BTD: variants seen among roughly 807,000 people sequenced by gnomAD.
The protein encoded by BTD is biotinidase, also known as biocytinase.
Under a neutral mutation model 17.7 loss-of-function variants are expected in BTD, and 13 were observed. The observed-to-expected ratio is 0.74, with a 90% CI of 0.48 to 1.17. The LOEUF (loss-of-function observed/expected upper bound fraction) is 1.17. Among genes scored for constraint, BTD ranks in the 50% most tolerant of loss-of-function variants. The pLI, the probability that BTD is intolerant of heterozygous loss-of-function variation, is 0.00. For missense variants in BTD, 674 were observed against 650.4 expected, an observed-to-expected ratio of 1.04 and a Z score of -0.39; for synonymous variants, 240 against 245.2, an observed-to-expected ratio of 0.98 and a Z score of 0.20.
At chr3:15,622,173 T>G (rs753980623) in intron 1 of BTD, among the ~76,000 whole-genome samples, 6 of 152,198 alleles carry the variant, frequency 3.9e-5, no homozygotes, top group Non-Finnish European at 7.3e-5. Context: ...TTCTAGTGTT[T>G]ATTATTTCTG....
chr3:15,657,983 C>T (rs367606755), downstream of BTD, among the ~76,000 whole-genome samples: 3 of 152,034 alleles, frequency 2.0e-5, no homozygotes, highest in East Asian at 1.9e-4. Flanking sequence ...GCCTGGCCAA[C>T]GTGGTGAAAA....
rs150283402 is a variant in BTD, at chr3:15,693,517, T to C, written c.400-16543T>C. On this transcript the variant is annotated intron_variant, in intron 3 of 3. Transcript: ENST00000672141. ...CTGCAGGGCTTTTGGGAGTCTTTAA[T>C]ATGCTACTAGTTGAATCTCCACAAG... Among the ~76,000 whole-genome samples the C allele has an allele frequency of 4.5e-4, 68 of 152,302 alleles. No homozygotes were observed. In the East Asian group the frequency reaches 0.013, roughly 28 times the overall value.
intron 3 of BTD, chr3:15,690,290 T>C: frequency 2.4e-6 from 3 of 1,268,900 alleles, no homozygotes; most frequent in Non-Finnish European, 3.2e-6. Context: ...CTTGAATAAA[T>C]GTAAATAAGC....
At chr3:15,677,782 C>T (rs1218730281) in intron 3 of BTD, among the ~76,000 whole-genome samples, 4 of 152,138 alleles carry the variant, frequency 2.6e-5, no homozygotes, top group African/African-American at 9.7e-5. Context: ...TGGCAATTAA[C>T]ATTTATTTTG....
intron 3 of BTD, among the ~76,000 whole-genome samples, chr3:15,674,955 C>T (rs11917845): frequency 0.16 from 23,978 of 151,934 alleles, 2,814 homozygotes; most frequent in East Asian, 0.55. Flanking sequence ...GAAGGCCTGA[C>T]TATACGGAAA....
intron 1 of BTD, among the ~76,000 whole-genome samples, chr3:15,603,724 A>G (rs376893737): frequency 5.9e-5 from 9 of 152,242 alleles, no homozygotes; most frequent in East Asian, 5.8e-4. Flanking sequence ...CCTAGATACA[A>G]TGGGTGCACG....
At chr3:15,701,870 T>C (rs2125963661) in intron 3 of BTD, among the ~76,000 whole-genome samples, 1 of 152,188 alleles carries the variant, frequency 6.6e-6, no homozygotes, top group Admixed American at 6.5e-5. Context: ...CAGTGCTCAC[T>C]GGGATGCAGA....
intron 3 of BTD, among the ~76,000 whole-genome samples, chr3:15,696,716 T>G (rs548343457): frequency 6.6e-6 from 1 of 152,158 alleles, no homozygotes; most frequent in Admixed American, 6.5e-5. Flanking sequence ...AGGTCAGAAC[T>G]CAATGAATCT....
downstream of BTD, among the ~76,000 whole-genome samples, chr3:15,714,283 C>A (rs1653144241): frequency 6.6e-6 from 1 of 151,654 alleles, no homozygotes; most frequent in South Asian, 2.1e-4. Context: ...ATATATAATA[C>A]AAATTATGGT....
intron 3 of BTD, chr3:15,667,325 T>C (rs890453605): frequency 6.6e-6 from 1 of 152,224 alleles, no homozygotes; most frequent in African/African-American, 2.4e-5. Context: ...AGAGATCTCC[T>C]GAACTAAATG....
intron 3 of BTD, chr3:15,670,228 A>G: frequency 6.3e-7 from 1 of 1,581,112 alleles, no homozygotes; most frequent in Non-Finnish European, 8.6e-7. Context: ...GAAAAAGCAC[A>G]GTTTGAAGCT....
chr3:15,606,551 C>G (rs984523159), intron 1 of BTD: 5 of 152,178 alleles, frequency 3.3e-5, no homozygotes, highest in African/African-American at 1.2e-4. Context: ...GTATGAAGTG[C>G]AATGAAAACT....
rs1315659784 is a variant in BTD at position 15,645,732 on chromosome 3, C to T, written c.*244C>T. The T allele has an allele frequency of 6.0e-6, 3 of 497,426 alleles. No individual in the cohort carries two copies. Among genetic ancestry groups the T allele is most frequent in the Non-Finnish European group, 1.1e-5 (3 of 280,344 alleles). 30.8% of individuals were successfully genotyped at this position (497,426 alleles called of 1,614,324 possible). A position where few individuals can be genotyped will look rare whatever the true frequency, so the allele number is the denominator to read the frequency against. ...TCTGTTCACATTTATCTTTTTCAAGCCACATCTTCCTCTAACAAATCTCTC... is the reference window on the plus strand; with the variant it reads ...TCTGTTCACATTTATCTTTTTCAAGTCACATCTTCCTCTAACAAATCTCTC... On this transcript the variant is annotated 3_prime_UTR_variant, in exon 4 of 4. Coordinates refer to ENST00000643237, the MANE Select transcript of BTD (RefSeq NM_001370658.1).
chr3:15,703,533 A>T (rs1426432717), intron 3 of BTD, among the ~76,000 whole-genome samples: 2 of 152,224 alleles, frequency 1.3e-5, no homozygotes, highest in Non-Finnish European at 2.9e-5. Context: ...TATGGCAAGA[A>T]TATGCCCTCA....
chr3:15,640,139 T>A (rs2470526), intron 2 of BTD, among the ~76,000 whole-genome samples: 40,047 of 152,074 alleles, frequency 0.26, 5,430 homozygotes, highest in African/African-American at 0.29. Context: ...CTAATTTTTA[T>A]ACCCTTTGAT....
chr3:15,625,174 GT>G (rs2065036759), intron 1 of BTD, among the ~76,000 whole-genome samples: 1 of 152,232 alleles, frequency 6.6e-6, no homozygotes, highest in Non-Finnish European at 1.5e-5. Flanking sequence ...GGGAGGGAAT[GT>G]GTTCTATTGT....
At chr3:15,707,950 A>G (rs749150565) in intron 3 of BTD, 3 of 1,612,948 alleles carry the variant, frequency 1.9e-6, no homozygotes, top group Middle Eastern at 1.7e-4. Context: ...ATGTAGCTGC[A>G]TAGTGCAGGG....
rs890652653 is a variant in BTD at position 15,615,995 on chromosome 3, C to T, written c.-17+14101C>T. ...GGCTTGATAGCTCATTTCTTTTTAG[C>T]ACTGAATAATATTCCATTGTCTGAA... On this transcript the variant is annotated intron_variant, in intron 1 of 3. Transcript: ENST00000643237. 2.0e-5 allele frequency among the ~76,000 whole-genome samples: 3 copies of T among 152,138 alleles called. No homozygotes were observed. The East Asian group carries it at 5.8e-4, about 29-fold the overall frequency.
intron 1 of BTD, among the ~76,000 whole-genome samples, chr3:15,624,901 T>G (rs970781442): frequency 1.3e-5 from 2 of 152,096 alleles, no homozygotes; most frequent in Non-Finnish European, 2.9e-5. Flanking sequence ...CCTGGCCAAT[T>G]TTTGTATTTT....
Sources: gnomAD v4.1 joint callset for allele counts (sites outside exome capture counted in the v4.1 genomes callset) on GRCh38, gnomAD v4.1.1 for gene constraint, MANE v1.5 for transcripts, NCBI Gene and HGNC (gene_info 2026-07-23, HGNC 2026-07-21) for gene names.